CNST: variants seen among roughly 807,000 people sequenced by gnomAD.
CNST encodes the protein consortin.
A neutral mutation model predicts 72.4 loss-of-function variants in CNST; 39 were observed. That is an observed-to-expected ratio of 0.54 (90% confidence interval 0.42 to 0.70). The LOEUF (loss-of-function observed/expected upper bound fraction) is 0.70, where lower values mean the gene tolerates loss of function less well. CNST is among the 30% of genes least tolerant of loss of function. CNST has a pLI of 0.00. For synonymous variants in CNST, 332 were observed against 320.1 expected, an observed-to-expected ratio of 1.04 and a Z score of -0.40; for missense variants, 871 against 868.5, an observed-to-expected ratio of 1.00 and a Z score of -0.04.
intron 1 of CNST, among the ~76,000 whole-genome samples, chr1:246,581,886 A>G (rs942276427): frequency 6.6e-6 from 1 of 152,148 alleles, no homozygotes; most frequent in African/African-American, 2.4e-5. Context: ...ATTTTATGAG[A>G]TGTCTGCTAA....
At chr1:246,646,353 A>G (rs1049473136) in intron 8 of CNST, among the ~76,000 whole-genome samples, 6 of 151,976 alleles carry the variant, frequency 3.9e-5, no homozygotes, top group Non-Finnish European at 4.4e-5. Flanking sequence ...TATAAATTTG[A>G]AGAGAACCGA....
intron 2 of CNST, among the ~76,000 whole-genome samples, chr1:246,616,858 T>G (rs1038176602): frequency 2.0e-5 from 3 of 149,658 alleles, no homozygotes; most frequent in Non-Finnish European, 4.5e-5. Flanking sequence ...CGGCCAATAC[T>G]TTTTTTTTTC....
At chr1:246,604,765 T>C (rs548163937) in intron 2 of CNST, among the ~76,000 whole-genome samples, 16 of 151,556 alleles carry the variant, frequency 1.1e-4, no homozygotes, top group African/African-American at 3.9e-4. Context: ...GCCTTCTGGG[T>C]TCAAGCGATT....
rs368977508 is a variant in CNST, at chr1:246,647,906, C to A, written c.1705C>A (p.Gln569Lys). The change falls in exon 9 of 11, where the codon CAA becomes AAA. Residue 569 changes from glutamine (Q) to lysine (K), a missense_variant. Gln to Lys is a moderately conservative substitution (Grantham distance 53). Coordinates refer to ENST00000366513, the MANE Select transcript of CNST (RefSeq NM_152609.3). ...TEDSLSYEDN[Q>K]DDDSDLLQDL... is the part of the protein sequence containing the mutation. ...AGATTCCCTTTCCTATGAAGATAACCAAGACGACGACTCCGATCTCCTTCA... is the reference window on the plus strand; with the variant it reads ...AGATTCCCTTTCCTATGAAGATAACAAAGACGACGACTCCGATCTCCTTCA... 6.2e-5 allele frequency: 100 copies of A among 1,613,688 alleles called. No homozygotes were observed. The highest frequency in any genetic ancestry group is 7.4e-5 in the Non-Finnish European group (87 of 1,179,962).
At chr1:246,639,348 T>C (rs919792376) in intron 6 of CNST, among the ~76,000 whole-genome samples, 5 of 151,974 alleles carry the variant, frequency 3.3e-5, no homozygotes, top group African/African-American at 1.2e-4. Context: ...GTTTGGCAAG[T>C]AGAGCAAAGG....
chr1:246,643,209 A>G (rs1665836577), intron 8 of CNST, among the ~76,000 whole-genome samples: 1 of 152,064 alleles, frequency 6.6e-6, no homozygotes, highest in South Asian at 2.1e-4. Context: ...TACTCTTTAC[A>G]AAGTATATTT....
chr1:246,593,687 C>G (rs1371743162), intron 2 of CNST, among the ~76,000 whole-genome samples: 2 of 152,056 alleles, frequency 1.3e-5, no homozygotes, highest in African/African-American at 4.8e-5. Flanking sequence ...ATTTACAGTA[C>G]TATGTATATA....
chr1:246,610,521 T>C (rs1341154649), intron 2 of CNST, among the ~76,000 whole-genome samples: 2 of 152,228 alleles, frequency 1.3e-5, no homozygotes, highest in African/African-American at 4.8e-5. Context: ...TACTGTTTTT[T>C]TGATATGCTT....
chr1:246,618,318 A>G (rs1055439037), intron 2 of CNST, among the ~76,000 whole-genome samples: 5 of 152,234 alleles, frequency 3.3e-5, no homozygotes, highest in African/African-American at 4.8e-5. Flanking sequence ...TGGAAAAATC[A>G]TAGCAGAACT....
At chr1:246,572,156 C>T (rs1319621666) in intron 1 of CNST, among the ~76,000 whole-genome samples, 1 of 152,192 alleles carries the variant, frequency 6.6e-6, no homozygotes, top group Non-Finnish European at 1.5e-5. Flanking sequence ...CACCTAAGCA[C>T]AGGAGGTCAA....
intron 9 of CNST, among the ~76,000 whole-genome samples, chr1:246,651,992 A>C (rs1666472369): frequency 6.6e-6 from 1 of 152,242 alleles, no homozygotes; most frequent in African/African-American, 2.4e-5. Context: ...ATTTTTATGC[A>C]GATGAAGCCT....
intron 1 of CNST, among the ~76,000 whole-genome samples, chr1:246,585,666 T>TATACAC (rs1356841234): frequency 2.0e-5 from 2 of 101,592 alleles, no homozygotes; most frequent in African/African-American, 8.0e-5. Flanking sequence ...AAAAAAAATA[T>TATACAC]ACACACACAC....
chr1:246,623,788 C>T (rs996467036), intron 3 of CNST, among the ~76,000 whole-genome samples: 4 of 148,882 alleles, frequency 2.7e-5, no homozygotes, highest in African/African-American at 5.0e-5. Flanking sequence ...TAGGGCCAGG[C>T]GCGGTAGCTC....
intron 1 of CNST, among the ~76,000 whole-genome samples, chr1:246,575,049 G>A (rs1053480839): frequency 1.3e-5 from 2 of 151,654 alleles, no homozygotes; most frequent in Non-Finnish European, 2.9e-5. Context: ...AGGCTGGAGT[G>A]CAGTGGCACG....
intron 2 of CNST, among the ~76,000 whole-genome samples, chr1:246,602,329 C>G (rs1662340441): frequency 6.6e-6 from 1 of 152,172 alleles, no homozygotes. Context: ...CTGTGTGTGG[C>G]TTAGCTTGGA....
At chr1:246,616,822 G>A (rs1425544003) in intron 2 of CNST, among the ~76,000 whole-genome samples, 1 of 151,410 alleles carries the variant, frequency 6.6e-6, no homozygotes, top group Non-Finnish European at 1.5e-5. Flanking sequence ...CAAAGTGCTG[G>A]GATTACAGGG....
chr1:246,624,927 T>G (rs1664318563), intron 3 of CNST, among the ~76,000 whole-genome samples: 1 of 152,178 alleles, frequency 6.6e-6, no homozygotes, highest in Non-Finnish European at 1.5e-5. Context: ...GTGCTGGGAT[T>G]ACAGGCGTGA....
chr1:246,655,783 G>A (rs1019669339), intron 9 of CNST, among the ~76,000 whole-genome samples: 1 of 152,222 alleles, frequency 6.6e-6, no homozygotes, highest in Non-Finnish European at 1.5e-5. Flanking sequence ...GCAAGCTTAA[G>A]CAAGTTACTC....
chr1:246,582,459 C>T (rs1012820734), intron 1 of CNST, among the ~76,000 whole-genome samples: 13 of 151,694 alleles, frequency 8.6e-5, no homozygotes, highest in African/African-American at 3.2e-4. Flanking sequence ...AGTGATTTTC[C>T]TGCCTCAGCC....
Sources: gnomAD v4.1 joint callset for allele counts (sites outside exome capture counted in the v4.1 genomes callset) on GRCh38, gnomAD v4.1.1 for gene constraint, MANE v1.5 for transcripts, NCBI Gene and HGNC (gene_info 2026-07-23, HGNC 2026-07-21) for gene names.